ISOC1: variants seen among roughly 807,000 people sequenced by gnomAD.
ISOC1 encodes isochorismatase domain containing 1, also known as isochorismatase domain-containing protein 1.
Under a neutral mutation model 30.0 loss-of-function variants are expected in ISOC1, and 33 were observed. The ratio of observed to expected loss-of-function variants is 1.10; its 90% CI spans 0.83 to 1.47. The LOEUF (loss-of-function observed/expected upper bound fraction) is 1.47, where lower values mean the gene tolerates loss of function less well. Ranked by LOEUF, ISOC1 falls within the 40% of genes most tolerant of loss-of-function variation. ISOC1 has a pLI of 0.00. For missense variants in ISOC1, 372 were observed against 388.0 expected (o/e 0.96, Z 0.35); for synonymous variants, 178 against 159.8 (o/e 1.11, Z -0.86).
chr5:129,104,942 T>C lies in ISOC1; in HGVS notation c.310-14T>C. 3 of 1,610,774 alleles carry C rather than the reference T, an allele frequency of 1.9e-6. No individual in the cohort carries two copies. Among genetic ancestry groups the C allele is most frequent in the Non-Finnish European group, 2.5e-6 (3 of 1,179,156 alleles). ...ACAACAAGTGCTAAATCATTCTTTT[T>C]CTTTTTTCCTCAGCTCACTACCCTG... On this transcript the variant is annotated splice_polypyrimidine_tract_variant and intron_variant, in intron 1 of 4. Coordinates refer to ENST00000173527, the MANE Select transcript of ISOC1 (RefSeq NM_016048.2).
At chr5:129,105,528 TGCATG>T (rs2150171421) in intron 3 of ISOC1, 140 bp downstream of exon 3, 2 of 699,210 alleles carry the variant, frequency 2.9e-6, no homozygotes, top group East Asian at 5.4e-5. Flanking sequence ...GTTCACTATT[TGCATG>T]GCACTGATCT....
rs1269747246 is a variant in ISOC1, at chr5:129,095,708, T to C, written c.309+633T>C. On this transcript the variant is annotated intron_variant, in intron 1 of 4. Transcript: ENST00000173527. ...GTCTGCATTGAAAAAGTCATTTGAC[T>C]CCATGATTGTAATTCCTTCTTGAAT... Among the ~76,000 whole-genome samples, 8 of 152,234 alleles carry C rather than the reference T, an allele frequency of 5.3e-5. No homozygotes were observed. In the East Asian group the frequency reaches 1.5e-3, roughly 29 times the overall value.
rs745359875 is a variant in ISOC1, at chr5:129,106,950, A to G, written c.638A>G (p.His213Arg). 1 of 1,611,502 alleles carries G rather than the reference A, an allele frequency of 6.2e-7. No individual in the cohort carries two copies. Among genetic ancestry groups the G allele is most frequent in the Non-Finnish European group, 8.5e-7 (1 of 1,177,790 alleles). ...RSVVLFGVETHVCIQQTALEL... is the reference protein window; with the variant it reads ...RSVVLFGVETRVCIQQTALEL... ...ATTCTTGTACTTTCCTACTAGACTC[A>G]TGTGTGCATCCAACAAACTGCCCTG... Residue 213 changes from histidine (H) to arginine (R), a missense_variant, in exon 4 of 5, where the codon CAT becomes CGT. Coordinates refer to ENST00000173527, the MANE Select transcript of ISOC1 (RefSeq NM_016048.2).
intron 4 of ISOC1, among the ~76,000 whole-genome samples, chr5:129,111,952 T>C (rs1041375897): frequency 2.0e-5 from 3 of 152,156 alleles, no homozygotes; most frequent in African/African-American, 7.2e-5. Flanking sequence ...GTGGTTCTCT[T>C]ATCATCCAGG....
At chr5:129,097,103 ACTCC>A (rs1753512349) in intron 1 of ISOC1, among the ~76,000 whole-genome samples, 1 of 150,672 alleles carries the variant, frequency 6.6e-6, no homozygotes, top group Non-Finnish European at 1.5e-5. Context: ...GCATTACTCT[ACTCC>A]CTCTTCAGAA....
At chr5:129,110,434 G>C (rs1306292769) in intron 4 of ISOC1, among the ~76,000 whole-genome samples, 2 of 152,152 alleles carry the variant, frequency 1.3e-5, no homozygotes, top group Non-Finnish European at 2.9e-5. Context: ...TTCTTTGGTT[G>C]GGAAAGGGCA....
intron 4 of ISOC1, among the ~76,000 whole-genome samples, chr5:129,110,821 G>C (rs1449227292): frequency 6.6e-6 from 1 of 152,140 alleles, no homozygotes; most frequent in Non-Finnish European, 1.5e-5. Flanking sequence ...AGATTATCGA[G>C]AACTAACCTT....
intron 1 of ISOC1, among the ~76,000 whole-genome samples, chr5:129,101,195 A>ATATATATATG (rs1315015064): frequency 8.2e-6 from 1 of 122,584 alleles, no homozygotes; most frequent in Non-Finnish European, 1.7e-5. Flanking sequence ...AAAAAAAAAT[A>ATATATATATG]TATATATATA....
chr5:129,101,066 T>C (rs1333904610), intron 1 of ISOC1, among the ~76,000 whole-genome samples: 1 of 144,918 alleles, frequency 6.9e-6, no homozygotes, highest in East Asian at 2.1e-4. Context: ...GGTCTTGCTC[T>C]GTTGCCCAGG....
intron 1 of ISOC1, 130 bp from the exon 2 acceptor site, chr5:129,104,824 TTG>T: frequency 1.2e-6 from 1 of 812,886 alleles, no homozygotes; most frequent in South Asian, 2.1e-5. Context: ...GATACTTTTT[TTG>T]GATAATAGCG....
In ISOC1 at chr5:129,113,073, C is replaced by G; in HGVS notation, c.*72C>G. ...GTGAAGGACTGTAAGCCCACACAAG[C>G]TCTTCTTATCTCTACTAGAATTAAA... On this transcript the variant is annotated 3_prime_UTR_variant, in exon 5 of 5. Transcript: ENST00000173527. 1 of 1,348,168 alleles carries G rather than the reference C, an allele frequency of 7.4e-7. No individual in the cohort carries two copies. The highest frequency in any genetic ancestry group is 2.4e-5 in the East Asian group (1 of 41,896). The allele number at this position is 1,348,168 out of a possible 1,614,324, so 83.5% of individuals were successfully genotyped here.
At chr5:129,103,007 A>T (rs372118912) in intron 1 of ISOC1, among the ~76,000 whole-genome samples, 172 of 151,742 alleles carry the variant, frequency 1.1e-3, no homozygotes, top group African/African-American at 3.9e-3. Flanking sequence ...TATTTTTCAA[A>T]TTTTTTTTTG....
rs1753472694 is a variant in ISOC1, at chr5:129,094,856, C to T, written c.90C>T (p.Phe30=). The part of the protein sequence containing the change: ...GAPSGTVPVL[F]CFSVFARPSS... ...CGTCGGGCACAGTCCCGGTGCTCTT[C>T]TGTTTCTCAGTCTTCGCGCGACCCT... Residue 30 remains phenylalanine, a synonymous_variant, in exon 1 of 5, where the codon TTC becomes TTT. Transcript: ENST00000173527. The T allele has an allele frequency of 1.3e-6, 2 of 1,580,404 alleles. No individual in the cohort carries two copies. Among genetic ancestry groups the T allele is most frequent in the African/African-American group, 1.3e-5 (1 of 74,704 alleles).
At chr5:129,107,292 C>A (rs1029938667) in intron 4 of ISOC1, among the ~76,000 whole-genome samples, 1 of 152,162 alleles carries the variant, frequency 6.6e-6, no homozygotes. Context: ...TTGCCACAAA[C>A]TCCTTTACAT....
At chr5:129,098,311 A>G (rs1246378876) in intron 1 of ISOC1, among the ~76,000 whole-genome samples, 1 of 152,150 alleles carries the variant, frequency 6.6e-6, no homozygotes, top group Non-Finnish European at 1.5e-5. Context: ...CAAAGTAACA[A>G]TGTCTGCCGA....
chr5:129,102,785 A>G (rs1753587626), intron 1 of ISOC1, among the ~76,000 whole-genome samples: 1 of 152,156 alleles, frequency 6.6e-6, no homozygotes, highest in African/African-American at 2.4e-5. Context: ...TGCTGCTATC[A>G]GTTTGCCTGC....
At chr5:129,107,493 A>G (rs1753653435) in intron 4 of ISOC1, among the ~76,000 whole-genome samples, 1 of 152,208 alleles carries the variant, frequency 6.6e-6, no homozygotes, top group African/African-American at 2.4e-5. Context: ...ACAGATAGAA[A>G]ATATCAGAAA....
intron 4 of ISOC1, among the ~76,000 whole-genome samples, chr5:129,108,070 T>C (rs922041205): frequency 6.6e-6 from 1 of 152,254 alleles, no homozygotes. Context: ...TGCTGAGTTC[T>C]TTAACTGTTT....
At chr5:129,097,326 G>C (rs940286923) in intron 1 of ISOC1, among the ~76,000 whole-genome samples, 1 of 152,150 alleles carries the variant, frequency 6.6e-6, no homozygotes, top group South Asian at 2.1e-4. Context: ...TGCACACACT[G>C]TGTATCGTAT....
Sources: gnomAD v4.1 joint callset for allele counts (sites outside exome capture counted in the v4.1 genomes callset) on GRCh38, gnomAD v4.1.1 for gene constraint, MANE v1.5 for transcripts, NCBI Gene and HGNC (gene_info 2026-07-23, HGNC 2026-07-21) for gene names.